The following GPATCH8 variants were observed in gnomAD, a reference collection of about 807,000 sequenced individuals.
GPATCH8 encodes G-patch domain containing 8, also known as G patch domain-containing protein 8.
A neutral mutation model predicts 118.3 loss-of-function variants in GPATCH8; 18 were observed. That is an observed-to-expected ratio of 0.15 (90% CI 0.11 to 0.23). GPATCH8 has a LOEUF of 0.23. Ranked by LOEUF, GPATCH8 falls within the 10% of genes least tolerant of loss-of-function variation. The pLI is 1.00. For missense variants in GPATCH8, 1,631 were observed against 1,873.8 expected (o/e 0.87, Z 2.39); for synonymous variants, 659 against 684.7 (o/e 0.96, Z 0.59).
At chr17:44,461,994 C>G (rs941744355) in intron 3 of GPATCH8, among the ~76,000 whole-genome samples, 1 of 152,076 alleles carries the variant, frequency 6.6e-6, no homozygotes, top group Admixed American at 6.6e-5. Flanking sequence ...GCCACAGCAC[C>G]CTGCCTAAAA....
chr17:44,411,009 C>T (rs1406024011), intron 6 of GPATCH8, among the ~76,000 whole-genome samples: 3 of 152,212 alleles, frequency 2.0e-5, no homozygotes, highest in Non-Finnish European at 2.9e-5. Flanking sequence ...GCTCTACTAT[C>T]ACTGAAAAGA....
chr17:44,418,547 C>T (rs912000295), intron 6 of GPATCH8, among the ~76,000 whole-genome samples: 20 of 151,854 alleles, frequency 1.3e-4, no homozygotes, highest in African/African-American at 4.4e-4. Flanking sequence ...TTCCACCTCC[C>T]GGATTCAGGC....
At chr17:44,414,422 C>T (rs974374827) in intron 6 of GPATCH8, among the ~76,000 whole-genome samples, 15 of 152,022 alleles carry the variant, frequency 9.9e-5, no homozygotes, top group African/African-American at 3.6e-4. Context: ...TCCTTCCCAC[C>T]TCAGCCTCTC....
chr17:44,396,242 G>A lies in GPATCH8; in HGVS notation c.*1326C>T, dbSNP rs572680991. The A allele has an allele frequency of 2.2e-6, 1 of 454,372 alleles. No individual in the cohort carries two copies. The highest frequency in any genetic ancestry group is 4.4e-6 in the Non-Finnish European group (1 of 226,762). The allele number at this position is 454,372 out of a possible 1,614,324, so 28.1% of individuals were successfully genotyped here. On this transcript the variant is annotated 3_prime_UTR_variant, in exon 8 of 8. Transcript: ENST00000591680. ...CCAGGGAAACCCAGGAATCCCCCCA[G>A]ACAATCACCAAATCTCACTGCTTCC...
At chr17:44,422,921 A>T (rs962640690) in intron 6 of GPATCH8, among the ~76,000 whole-genome samples, 1 of 152,086 alleles carries the variant, frequency 6.6e-6, no homozygotes, top group East Asian at 1.9e-4. Flanking sequence ...GTCTATATAT[A>T]TATGCTCTAT....
intron 1 of GPATCH8, among the ~76,000 whole-genome samples, chr17:44,497,726 G>A (rs1256504895): frequency 6.6e-6 from 1 of 152,000 alleles, no homozygotes; most frequent in Non-Finnish European, 1.5e-5. Flanking sequence ...GATCGCTTGA[G>A]CCCAGGAGTT....
intron 6 of GPATCH8, among the ~76,000 whole-genome samples, chr17:44,419,590 G>A (rs1413120083): frequency 6.6e-6 from 1 of 151,912 alleles, no homozygotes; most frequent in Non-Finnish European, 1.5e-5. Flanking sequence ...GGGCTCAAGC[G>A]ATCCTCCTGG....
intron 1 of GPATCH8, among the ~76,000 whole-genome samples, chr17:44,502,680 T>C (rs1198229095): frequency 6.6e-6 from 1 of 152,164 alleles, no homozygotes; most frequent in African/African-American, 2.4e-5. Context: ...GAGGTTAGGC[T>C]CACATCGGAT....
intron 3 of GPATCH8, among the ~76,000 whole-genome samples, chr17:44,442,170 T>G (rs1357671874): frequency 1.4e-5 from 2 of 145,710 alleles, no homozygotes; most frequent in African/African-American, 5.0e-5. Flanking sequence ...GAGTTTCTAC[T>G]ATATTCAAGG....
intron 3 of GPATCH8, chr17:44,436,814 T>C: frequency 2.1e-6 from 1 of 485,290 alleles, no homozygotes; most frequent in East Asian, 3.7e-5. Context: ...AAAGCACTTT[T>C]AAGCAATGGC....
chr17:44,406,508 G>GGGGGT (rs1555622781), intron 6 of GPATCH8, among the ~76,000 whole-genome samples: 1 of 94,312 alleles, frequency 1.1e-5, no homozygotes, highest in Non-Finnish European at 2.0e-5. Flanking sequence ...GGGGGGGGGG[G>GGGGGT]TTATTTAAAT....
At chr17:44,475,018 G>A in intron 1 of GPATCH8, 115 bp from the exon 2 acceptor site, 2 of 676,334 alleles carry the variant, frequency 3.0e-6, no homozygotes, top group South Asian at 1.6e-5. Context: ...TAACCTAAAA[G>A]GACACTGCAA....
At chr17:44,439,938 C>T (rs994813879) in intron 3 of GPATCH8, among the ~76,000 whole-genome samples, 1 of 152,012 alleles carries the variant, frequency 6.6e-6, no homozygotes, top group African/African-American at 2.4e-5. Flanking sequence ...CATGCACCAC[C>T]GTGCCCGGCT....
At chr17:44,416,636 A>G (rs935103336) in intron 6 of GPATCH8, among the ~76,000 whole-genome samples, 8 of 152,240 alleles carry the variant, frequency 5.3e-5, no homozygotes, top group African/African-American at 1.9e-4. Flanking sequence ...TTCTTAAAGC[A>G]TAATCCCTGA....
chr17:44,492,531 C>G (rs1969336625), intron 1 of GPATCH8, among the ~76,000 whole-genome samples: 1 of 151,846 alleles, frequency 6.6e-6, no homozygotes, highest in Non-Finnish European at 1.5e-5. Context: ...GAGATGTAGT[C>G]ACTACAATCC....
chr17:44,453,500 GGTGTGTGTGTGTGTGTGT>G (rs56962134), intron 3 of GPATCH8, among the ~76,000 whole-genome samples: 2 of 142,702 alleles, frequency 1.4e-5, no homozygotes, highest in African/African-American at 5.4e-5. Flanking sequence ...GGTAGGTAGG[GGTGTGTGTGTGTGTGTGT>G]GTGTGTGTGT....
chr17:44,449,221 G>A (rs563295639), intron 3 of GPATCH8, among the ~76,000 whole-genome samples: 71 of 152,282 alleles, frequency 4.7e-4, no homozygotes, highest in African/African-American at 1.7e-3. Flanking sequence ...AGGTTGCAGT[G>A]AGCCGAGATC....
intron 3 of GPATCH8, among the ~76,000 whole-genome samples, chr17:44,442,800 G>A (rs180955997): frequency 7.2e-5 from 11 of 152,328 alleles, no homozygotes; most frequent in African/African-American, 2.6e-4. Flanking sequence ...AAACTGGGCT[G>A]GGCTTGGTGG....
intron 1 of GPATCH8, among the ~76,000 whole-genome samples, chr17:44,501,176 T>C (rs1970030879): frequency 1.3e-5 from 2 of 152,166 alleles, no homozygotes; most frequent in East Asian, 1.9e-4. Context: ...TCCTAGCACT[T>C]TGGGAGGCCG....
Sources: allele counts gnomAD v4.1 joint callset (sites outside exome capture counted in the v4.1 genomes callset), GRCh38; gene constraint gnomAD v4.1.1; transcripts MANE v1.5; gene names NCBI Gene and HGNC (gene_info 2026-07-23, HGNC 2026-07-21).